ATAD3B: variants seen among roughly 807,000 people sequenced by gnomAD.
ATAD3B encodes the protein ATPase family AAA domain-containing protein 3B.
A neutral mutation model predicts 70.2 loss-of-function variants in ATAD3B; 59 were observed. That is an observed-to-expected ratio of 0.84 (90% CI 0.68 to 1.04). The LOEUF (loss-of-function observed/expected upper bound fraction) is 1.04, where lower values mean the gene tolerates loss of function less well. ATAD3B is among the 50% of genes least tolerant of loss of function. The pLI is 0.00. For missense variants in ATAD3B, 961 were observed against 913.4 expected (o/e 1.05, Z -0.67); for synonymous variants, 423 against 388.6 (o/e 1.09, Z -1.04).
intron 15 of ATAD3B, among the ~76,000 whole-genome samples, chr1:1,491,453 C>G (rs1640536420): frequency 6.6e-6 from 1 of 151,888 alleles, no homozygotes; most frequent in Non-Finnish European, 1.5e-5. Context: ...ATTGCTTGAC[C>G]CGGGGAGTTG....
In ATAD3B at chr1:1,490,590, C is replaced by T. The variant is rs530433509; in HGVS notation, c.1533C>T (p.Tyr511=). ...GCCTGAAGCTGGCCCAGTTTGACTA[C>T]GGGAGGAAGTGCTCGGAGGTCGCTC... ...KRRLKLAQFD[Y]GRKCSEVARL... Residue 511 remains tyrosine (Y), a synonymous_variant, in exon 15 of 16, where the codon TAC becomes TAT. Transcript: ENST00000673477. The T allele has an allele frequency of 3.6e-5, 58 of 1,610,682 alleles. 2 individuals are homozygous for T. Among genetic ancestry groups the T allele is most frequent in the South Asian group, 3.4e-4 (31 of 90,562 alleles).
chr1:1,485,972 C>A lies in ATAD3B; in HGVS notation c.963+134C>A, dbSNP rs888269886. 53 of 1,588,750 alleles carry A rather than the reference C, an allele frequency of 3.3e-5. No homozygotes were observed. In the African/African-American group the frequency reaches 7.2e-4, roughly 21 times the overall value. ...CTGAGATGCAACTGCTTGGACTGTG[C>A]CGGGGATAGATAGGCTGCCCACGAG... is the stretch of plus-strand genomic sequence containing the variant. On this transcript the variant is annotated intron_variant, in intron 9 of 15. Coordinates refer to ENST00000673477, the MANE Select transcript of ATAD3B (RefSeq NM_031921.6).
At chr1:1,472,203 C>G in intron 1 of ATAD3B, 114 bp downstream of exon 1, 8 of 1,395,764 alleles carry the variant, frequency 5.7e-6, no homozygotes, top group Non-Finnish European at 7.5e-6. Context: ...CCGGGCGAGA[C>G]TGCGCCCCCG....
rs539713632 is a variant in ATAD3B at position 1,480,124 on chromosome 1, C to T, written c.445-743C>T. On this transcript the variant is annotated intron_variant, in intron 4 of 15. Transcript: ENST00000673477. ...GCAAACACACACACGGGCACGTGTA[C>T]GCACCCCCACTCACAGTGTGCCTCA... 5.6e-4 allele frequency among the ~76,000 whole-genome samples: 81 copies of T among 145,842 alleles called. 8 individuals are homozygous for T. Among genetic ancestry groups the T allele is most frequent in the African/African-American group, 1.9e-3 (72 of 38,664 alleles).
rs548614968 is a variant in ATAD3B, at chr1:1,495,399, G to T, written c.1615-86G>T. ...AGGTTGTCCTGGTGCCCCTGGTTTG[G>T]CCCCTCCCCACCTCGGGGCCCTGGC... On this transcript the variant is annotated intron_variant, in intron 15 of 15. Transcript: ENST00000673477. 9 of 1,503,784 alleles carry T rather than the reference G, an allele frequency of 6.0e-6. No individual in the cohort carries two copies. The East Asian group carries it at 1.4e-4, about 23-fold the overall frequency. The allele number at this position is 1,503,784 out of a possible 1,614,324, so 93.2% of individuals were successfully genotyped here. A position where few individuals can be genotyped will look rare whatever the true frequency, so the allele number is the denominator to read the frequency against.
rs773369628 is a variant in ATAD3B at position 1,485,888 on chromosome 1, G to C, written c.963+50G>C. 24 of 1,611,736 alleles carry C rather than the reference G, an allele frequency of 1.5e-5. 1 individual carries two copies. The South Asian group carries it at 2.5e-4, about 17-fold the overall frequency. On this transcript the variant is annotated intron_variant, in intron 9 of 15. Transcript: ENST00000673477. ...GGAGGTGCAGGGAGGGGACCCCGGA[G>C]CTGGGCTGGGCTGTGGCCCTTGCTA...
downstream of ATAD3B, among the ~76,000 whole-genome samples, chr1:1,498,739 G>A (rs547643405): frequency 7.9e-5 from 12 of 151,302 alleles, no homozygotes; most frequent in South Asian, 2.1e-4. Flanking sequence ...GTCTCACTCC[G>A]TCGCCCAGGC....
At chr1:1,505,958 C>T in the ATAD3B span, among the ~76,000 whole-genome samples, 3 of 152,206 alleles carry the variant, frequency 2.0e-5, no homozygotes, top group Non-Finnish European at 2.9e-5. Flanking sequence ...GCCACCCACA[C>T]ACAGTGGCTC....
At chr1:1,498,096 A>G (rs1476351480), downstream of ATAD3B, among the ~76,000 whole-genome samples, 6 of 151,720 alleles carry the variant, frequency 4.0e-5, no homozygotes, top group Admixed American at 2.0e-4. Context: ...TGAGGTCAGG[A>G]GTTCGAGACC....
chr1:1,482,780 T>A, intron 7 of ATAD3B, 166 bp downstream of exon 7: 4 of 1,134,280 alleles, frequency 3.5e-6, no homozygotes, highest in Non-Finnish European at 5.1e-6. Context: ...CCTCCCTCCT[T>A]GAGCTGGGAG....
chr1:1,474,268 G>C (rs958879607), intron 1 of ATAD3B, among the ~76,000 whole-genome samples: 1 of 150,462 alleles, frequency 6.6e-6, no homozygotes, highest in African/African-American at 2.5e-5. Context: ...ACGGCTCACT[G>C]CAAGCTCCGC....
intron 1 of ATAD3B, among the ~76,000 whole-genome samples, chr1:1,473,280 C>G (rs1285693014): frequency 6.6e-6 from 1 of 151,184 alleles, no homozygotes; most frequent in African/African-American, 2.4e-5. Flanking sequence ...GCTGGGAGTA[C>G]AGGCGCCCGC....
chr1:1,473,958 G>T (rs1639460853), intron 1 of ATAD3B, among the ~76,000 whole-genome samples: 2 of 151,960 alleles, frequency 1.3e-5, no homozygotes, highest in East Asian at 3.9e-4. Flanking sequence ...GAGGTTTCTG[G>T]CCCCGGCTGG....
downstream of ATAD3B, among the ~76,000 whole-genome samples, chr1:1,499,893 CTTTT>C (rs542576090): frequency 7.2e-6 from 1 of 138,010 alleles, no homozygotes; most frequent in African/African-American, 2.7e-5. Context: ...CGTGCCCAGC[CTTTT>C]TTTTTTTTTC....
chr1:1,499,164 G>A (rs1269129064), downstream of ATAD3B, among the ~76,000 whole-genome samples: 1 of 151,596 alleles, frequency 6.6e-6, no homozygotes, highest in Non-Finnish European at 1.5e-5. Context: ...GTAGAGACAG[G>A]GTTTCACCGT....
At chr1:1,477,608 G>C (rs1182257832) in intron 2 of ATAD3B, among the ~76,000 whole-genome samples, 1 of 151,868 alleles carries the variant, frequency 6.6e-6, no homozygotes, top group Non-Finnish European at 1.5e-5. Flanking sequence ...GTTGGTGAGG[G>C]CATCTGGTCG....
intron 13 of ATAD3B, 138 bp from the exon 14 acceptor site, chr1:1,490,119 C>T: frequency 6.9e-7 from 1 of 1,450,116 alleles, no homozygotes; most frequent in Non-Finnish European, 9.0e-7. Context: ...CTGCGTTCTC[C>T]CCATGTTTCC....
chr1:1,483,134 A>G (rs186143504), intron 7 of ATAD3B: 50 of 407,550 alleles, frequency 1.2e-4, no homozygotes, highest in African/African-American at 8.2e-4. Flanking sequence ...TACTAAAAAA[A>G]AGAAAAAAAA....
chr1:1,509,262 G>A, the ATAD3B span: 33 of 1,612,812 alleles, frequency 2.0e-5, 1 homozygote, highest in East Asian at 2.9e-4. Context: ...GGACACCCGC[G>A]TGCAAGATGC....
Sources: gnomAD v4.1 joint callset for allele counts (sites outside exome capture counted in the v4.1 genomes callset) on GRCh38, gnomAD v4.1.1 for gene constraint, MANE v1.5 for transcripts, NCBI Gene and HGNC (gene_info 2026-07-23, HGNC 2026-07-21) for gene names.